The following LIPE variants were observed in gnomAD, a reference collection of about 807,000 sequenced individuals.
LIPE encodes lipase E, hormone sensitive type, also known as hormone-sensitive lipase.
In LIPE, 66 loss-of-function variants were observed where a neutral mutation model predicts 88.5. The observed-to-expected ratio is 0.75, with a 90% confidence interval of 0.61 to 0.91. The LOEUF is 0.91. Among genes scored for constraint, LIPE ranks in the 40% least tolerant of loss-of-function variants. The pLI is 0.00. For synonymous variants in LIPE, 570 were observed against 617.5 expected, an observed-to-expected ratio of 0.92 and a Z score of 1.14; for missense variants, 1,346 against 1,434.7, an observed-to-expected ratio of 0.94 and a Z score of 1.00.
rs745984644 is a variant in LIPE, at chr19:42,402,726, A to G, written c.2848T>C (p.Ser950Pro). Residue 950 changes from serine (S) to proline (P), a missense_variant, in exon 9 of 10, where the codon TCC becomes CCC. Physicochemically the swap from Ser to Pro is moderately conservative, Grantham distance 74. Transcript: ENST00000244289. ...GGCATCTGTGTGGCACCCTGGCTGG[A>G]GCGTCGGGGGTGGAAACCCTCGGGG... ...AFPEGFHPRR[S>P]SQGATQMPLY... 3.2e-6 allele frequency: 5 copies of G among 1,555,442 alleles called. No homozygotes were observed. The Admixed American group carries it at 9.2e-5, about 29-fold the overall frequency.
intron 8 of LIPE, among the ~76,000 whole-genome samples, chr19:42,403,240 GATGTGTGT>G (rs1400990128): frequency 8.8e-6 from 1 of 114,102 alleles, no homozygotes; most frequent in African/African-American, 3.4e-5. Flanking sequence ...TCTAGTGAAG[GATGTGTGT>G]GTGTGTGTGT....
At position 42,401,715 on chromosome 19, in the gene LIPE, C is replaced by G; in HGVS notation, c.*97G>C. 3 of 176,882 alleles carry G rather than the reference C, an allele frequency of 1.7e-5. No individual in the cohort carries two copies. Among genetic ancestry groups the G allele is most frequent in the South Asian group, 8.6e-5 (1 of 11,628 alleles). The allele number at this position is 176,882 out of a possible 1,614,324, so 11.0% of individuals were successfully genotyped here. A position where few individuals can be genotyped will look rare whatever the true frequency, so the allele number is the denominator to read the frequency against. ...TTCGGGCCCCCGCCCCGCCCCCTTG[C>G]CACCCCCGACTTAAGTAAGGCACAG... is the stretch of plus-strand genomic sequence containing the variant. On this transcript the variant is annotated 3_prime_UTR_variant, in exon 10 of 10. Transcript: ENST00000244289.
intron 1 of LIPE, among the ~76,000 whole-genome samples, chr19:42,421,262 A>C (rs1462656346): frequency 6.6e-6 from 1 of 151,802 alleles, no homozygotes; most frequent in East Asian, 1.9e-4. Flanking sequence ...GCCCTGGCTG[A>C]GCTCCCTCTG....
In LIPE at chr19:42,410,546, C is replaced by T. The variant is rs570744976; in HGVS notation, c.1180G>A (p.Val394Met). The T allele has an allele frequency of 5.6e-6, 9 of 1,612,754 alleles. No individual in the cohort carries two copies. In the South Asian group the frequency reaches 8.8e-5, roughly 16 times the overall value. Reference sequence around the variant, plus strand: ...AAGATGCTGCGGCGGTTGGAGGCCACATAGCGGGATTTGTGCAGGAGGTGC... The same window carrying T: ...AAGATGCTGCGGCGGTTGGAGGCCATATAGCGGGATTTGTGCAGGAGGTGC... ...LAHLLHKSRY[V>M]ASNRRSIFFR... Residue 394 changes from valine to methionine, a missense_variant, in exon 2 of 10, where the codon GTG becomes ATG. Coordinates refer to ENST00000244289, the MANE Select transcript of LIPE (RefSeq NM_005357.4). The surrounding 1 kb of genome is among the most constrained non-coding windows in gnomAD (Gnocchi z 6.1).
Position 42,402,865 on chromosome 19 carries a change from G to A in LIPE, c.2709C>T (p.Pro903=). 1 of 1,613,936 alleles carries A rather than the reference G, an allele frequency of 6.2e-7. No individual in the cohort carries two copies. Among genetic ancestry groups the A allele is most frequent in the Non-Finnish European group, 8.5e-7 (1 of 1,179,978 alleles). The part of the protein sequence containing the change: ...EMSLSAETLS[P]STPSDVNFLL... ...AGAAGTTGACATCGGAGGGTGTGGA[G>A]GGGCTAAGTGTCTCAGCTGACAGCG... is the stretch of plus-strand genomic sequence containing the variant. Residue 903 remains proline (P), a synonymous_variant, in exon 9 of 10, where the codon CCC becomes CCT. Transcript: ENST00000244289.
chr19:42,402,871 A>G lies in LIPE; in HGVS notation c.2703T>C (p.Leu901=), dbSNP rs1429646674. 6.2e-7 allele frequency: 1 copy of G among 1,613,558 alleles called. No individual in the cohort carries two copies. The highest frequency in any genetic ancestry group is 1.1e-5 in the South Asian group (1 of 91,050). ...TPEMSLSAET[L]SPSTPSDVNF... Reference sequence around the variant, plus strand: ...TGACATCGGAGGGTGTGGAGGGGCTAAGTGTCTCAGCTGACAGCGACATCT... The same window carrying G: ...TGACATCGGAGGGTGTGGAGGGGCTGAGTGTCTCAGCTGACAGCGACATCT... The change falls in exon 9 of 10, where the codon CTT becomes CTC. Residue 901 remains leucine (L), a synonymous_variant. Coordinates refer to ENST00000244289, the MANE Select transcript of LIPE (RefSeq NM_005357.4).
rs780255495 is a variant in LIPE at position 42,426,912 on chromosome 19, T to G, written c.238A>C (p.Lys80Gln). Residue 80 changes from lysine to glutamine, a missense_variant, in exon 1 of 10, where the codon AAA becomes CAA. By Grantham distance (53) the Lys-to-Gln change is moderately conservative. Transcript: ENST00000244289. ...AGAAATTCCTCTTGTGAAGCAGATT[T>G]TTGTTGGGCTCTAGGTTCCTTCTGG... ...ESQKEPRAQQ[K>Q]SASQEEFLAP... 8.1e-5 allele frequency: 131 copies of G among 1,614,016 alleles called. No individual in the cohort carries two copies. The highest frequency in any genetic ancestry group is 1.0e-4 in the Non-Finnish European group (119 of 1,180,034).
In LIPE at chr19:42,407,871, C is replaced by A; in HGVS notation, c.1657-80G>T. On this transcript the variant is annotated intron_variant, in intron 4 of 9. Coordinates refer to ENST00000244289, the MANE Select transcript of LIPE (RefSeq NM_005357.4). The surrounding 1 kb of genome is among the most constrained non-coding windows in gnomAD (Gnocchi z 5.8). ...TTCACCTCTCCCTCTGATCCCCAGT[C>A]TTTCCCCTTGTGTGCCATCCCTGGG... The A allele has an allele frequency of 6.4e-7, 1 of 1,557,042 alleles. No homozygotes were observed. Among genetic ancestry groups the A allele is most frequent in the Non-Finnish European group, 8.7e-7 (1 of 1,152,540 alleles).
rs144611416 is a variant in LIPE at position 42,426,983 on chromosome 19, C to T, written c.167G>A (p.Arg56Lys). 2.2e-4 allele frequency: 349 copies of T among 1,613,882 alleles called. 1 individual carries two copies. In the African/African-American group the frequency reaches 4.3e-3, roughly 20 times the overall value. Reference protein sequence around the residue: ...NTQQKPASNQRPLTQQETPAQ... With the variant: ...NTQQKPASNQKPLTQQETPAQ... ...AGGGGTCTCCTGCTGGGTGAGGGGT[C>T]TTTGGTTTGAAGCAGGCTTCTGTTG... Residue 56 changes from arginine to lysine, a missense_variant, in exon 1 of 10, where the codon AGA (arginine) becomes AAA (lysine). Arg to Lys is a conservative substitution (Grantham distance 26, BLOSUM62 2). Transcript: ENST00000244289.
At position 42,408,356 on chromosome 19, in the gene LIPE, CAA is replaced by C; in HGVS notation, c.1420-36_1420-35del. 1 of 1,562,824 alleles carries C rather than the reference CAA, an allele frequency of 6.4e-7. No homozygotes were observed. The highest frequency in any genetic ancestry group is 8.8e-7 in the Non-Finnish European group (1 of 1,134,020). ...AGACGCGGCTGCGTCACCCACCGCT[CAA>C]GAGAGGGATGGGGACAGGGCAGGAG... On this transcript the variant is annotated intron_variant, in intron 2 of 9. Coordinates refer to ENST00000244289, the MANE Select transcript of LIPE (RefSeq NM_005357.4). The surrounding 1 kb of genome is among the most constrained non-coding windows in gnomAD (Gnocchi z 4.3).
rs1278707435 is a variant in LIPE, at chr19:42,414,801, A to G, written c.884-3959T>C. On this transcript the variant is annotated intron_variant, in intron 1 of 9. Transcript: ENST00000244289. The surrounding 1 kb of genome is among the most constrained non-coding windows in gnomAD (Gnocchi z 4.6). Reference sequence around the variant, plus strand: ...GTGATCAATGATCTCTGGTGTTACTATTGTGAGTGGGGGCACCACCAACCA... The same window carrying G: ...GTGATCAATGATCTCTGGTGTTACTGTTGTGAGTGGGGGCACCACCAACCA... Among the ~76,000 whole-genome samples, 1 of 152,184 alleles carries G rather than the reference A, an allele frequency of 6.6e-6. No individual in the cohort carries two copies. The highest frequency in any genetic ancestry group is 1.9e-4 in the East Asian group (1 of 5,194).
Position 42,408,642 on chromosome 19 carries a change from A to G in LIPE, c.1420-320T>C, listed in dbSNP as rs2040272148. On this transcript the variant is annotated intron_variant, in intron 2 of 9. Coordinates refer to ENST00000244289, the MANE Select transcript of LIPE (RefSeq NM_005357.4). The surrounding 1 kb of genome is among the most constrained non-coding windows in gnomAD (Gnocchi z 4.3). ...GGCTACTTAGCGGGTCTCGGAGGAG[A>G]GATCTGACTGAAGCGAGGGGAGGGT... Among the ~76,000 whole-genome samples, 2 of 149,658 alleles carry G rather than the reference A, an allele frequency of 1.3e-5. No individual in the cohort carries two copies. The highest frequency in any genetic ancestry group is 4.9e-5 in the African/African-American group (2 of 40,740).
Position 42,410,261 on chromosome 19 carries a change from G to A in LIPE, c.1419+46C>T. Reference sequence around the variant, plus strand: ...CTATAGGCCAGGCCAGGGGCCACCAGGTGCCTTCATTGTGGGCCCAGAGGG... The same window carrying A: ...CTATAGGCCAGGCCAGGGGCCACCAAGTGCCTTCATTGTGGGCCCAGAGGG... On this transcript the variant is annotated intron_variant, in intron 2 of 9. Transcript: ENST00000244289. The surrounding 1 kb of genome is among the most constrained non-coding windows in gnomAD (Gnocchi z 6.1). 6.6e-7 allele frequency: 1 copy of A among 1,508,484 alleles called. No individual in the cohort carries two copies. Among genetic ancestry groups the A allele is most frequent in the Non-Finnish European group, 8.9e-7 (1 of 1,121,866 alleles). 93.4% of individuals were successfully genotyped at this position (1,508,484 alleles called of 1,614,324 possible).
rs11669261 is a variant in LIPE, at chr19:42,405,978, A to T, written c.2365+183T>A. 0.34 allele frequency: 59,108 copies of T among 176,340 alleles called. 1,896 individuals are homozygous for T. The highest frequency in any genetic ancestry group is 0.43 in the East Asian group (4,539 of 10,674). 10.9% of individuals were successfully genotyped at this position (176,340 alleles called of 1,614,324 possible). A position where few individuals can be genotyped will look rare whatever the true frequency, so the allele number is the denominator to read the frequency against. On this transcript the variant is annotated intron_variant, in intron 7 of 9. Transcript: ENST00000244289. The stretch of plus-strand genomic sequence containing the variant: ...GTCTGTCTGTCTCTCTCTCTCTCTC[A>T]CACACACACACACACACACACACAC...
At chr19:42,413,545 A>G (rs907317127) in intron 1 of LIPE, among the ~76,000 whole-genome samples, 1 of 152,236 alleles carries the variant, frequency 6.6e-6, no homozygotes, top group Non-Finnish European at 1.5e-5. Flanking sequence ...GGGCACCTGT[A>G]GTCCCAGCTA....
Position 42,427,000 on chromosome 19 carries a change from C to G in LIPE, c.150G>C (p.Lys50Asn), listed in dbSNP as rs1359775539. The change falls in exon 1 of 10, where the codon AAG (lysine) becomes AAC (asparagine). Residue 50 changes from lysine to asparagine, a missense_variant. Coordinates refer to ENST00000244289, the MANE Select transcript of LIPE (RefSeq NM_005357.4). ...TGAGGGGTCTTTGGTTTGAAGCAGG[C>G]TTCTGTTGGGTATTGGATCCCTGCA... ...KTLQGSNTQQ[K>N]PASNQRPLTQ... 1 of 1,613,698 alleles carries G rather than the reference C, an allele frequency of 6.2e-7. No individual in the cohort carries two copies. Among genetic ancestry groups the G allele is most frequent in the Non-Finnish European group, 8.5e-7 (1 of 1,179,968 alleles).
chr19:42,425,519 G>A lies in LIPE; in HGVS notation c.883+748C>T, dbSNP rs185972011. On this transcript the variant is annotated intron_variant, in intron 1 of 9. Coordinates refer to ENST00000244289, the MANE Select transcript of LIPE (RefSeq NM_005357.4). ...TACCTGATGTCCTCATTTCTAAAAT[G>A]AGGATGTTGGCCAGGTGCTCGGTGG... 2.8e-3 allele frequency among the ~76,000 whole-genome samples: 433 copies of A among 152,224 alleles called. 1 individual carries two copies. Among genetic ancestry groups the A allele is most frequent in the Middle Eastern group, 0.01 (3 of 292 alleles).
chr19:42,407,029 A>T lies in LIPE; in HGVS notation c.2137+145T>A. 4 of 707,898 alleles carry T rather than the reference A, an allele frequency of 5.7e-6. No homozygotes were observed. Among genetic ancestry groups the T allele is most frequent in the Non-Finnish European group, 9.1e-6 (4 of 439,820 alleles). The allele number at this position is 707,898 out of a possible 1,614,324, so 43.9% of individuals were successfully genotyped here. ...CAGAGGATAAAGTGGCTGAGGTGGA[A>T]GATTGGGCAGGACCTGGGTGAGCAG... On this transcript the variant is annotated intron_variant, in intron 6 of 9. Coordinates refer to ENST00000244289, the MANE Select transcript of LIPE (RefSeq NM_005357.4). This position sits in a 1 kb window ranked among gnomAD's most constrained non-coding sequence, Gnocchi z 5.8.
In LIPE at chr19:42,427,082, G is replaced by A. The variant is rs1014804302; in HGVS notation, c.68C>T (p.Thr23Ile). Residue 23 changes from threonine to isoleucine, a missense_variant, in exon 1 of 10, where the codon ACC becomes ATC. Transcript: ENST00000244289. ...WQPEPHQRPI[T>I]PLEPGPEKTP... ...CTTTTCTGGCCCAGGCTCTAGCGGG[G>A]TTATAGGCCTCTGGTGTGGTTCAGG... The A allele has an allele frequency of 6.2e-6, 10 of 1,614,088 alleles. No homozygotes were observed. In the East Asian group the frequency reaches 6.7e-5, roughly 11 times the overall value.
Sources: gnomAD v4.1 joint callset for allele counts (sites outside exome capture counted in the v4.1 genomes callset) on GRCh38, gnomAD v4.1.1 for gene constraint, Gnocchi (gnomAD v3.1) non-coding constraint, MANE v1.5 for transcripts, NCBI Gene and HGNC (gene_info 2026-07-23, HGNC 2026-07-21) for gene names.